The following ATP8B4 variants were observed in gnomAD, a reference collection of about 807,000 sequenced individuals.
ATP8B4 encodes probable phospholipid-transporting ATPase IM.
A neutral mutation model predicts 145.6 loss-of-function variants in ATP8B4; 133 were observed. That is an observed-to-expected ratio of 0.91 (90% confidence interval 0.79 to 1.05). ATP8B4 has a LOEUF of 1.05. Among genes scored for constraint, ATP8B4 ranks in the 50% least tolerant of loss-of-function variants. The probability of loss-of-function intolerance (pLI) is 0.00; values close to 1 mark genes in which losing one functional copy is unlikely to be tolerated. For synonymous variants in ATP8B4, 507 were observed against 492.9 expected, an observed-to-expected ratio of 1.03 and a Z score of -0.38; for missense variants, 1,458 against 1,425.2, an observed-to-expected ratio of 1.02 and a Z score of -0.37.
intron 12 of ATP8B4, among the ~76,000 whole-genome samples, chr15:49,976,156 A>T (rs1698107651): frequency 6.6e-6 from 1 of 152,098 alleles, no homozygotes; most frequent in South Asian, 2.1e-4. Context: ...CACTGTGACT[A>T]TGTAGAGTAT....
chr15:49,881,768 G>A (rs1264892578), intron 23 of ATP8B4, among the ~76,000 whole-genome samples: 1 of 152,164 alleles, frequency 6.6e-6, no homozygotes, highest in East Asian at 1.9e-4. Flanking sequence ...TAGGGGGCAC[G>A]TGCCATAATA....
chr15:49,966,206 C>T (rs2044522615), intron 13 of ATP8B4, among the ~76,000 whole-genome samples: 1 of 152,202 alleles, frequency 6.6e-6, no homozygotes, highest in African/African-American at 2.4e-5. Context: ...TTTGGGCAGG[C>T]CCCAAGCTAG....
At chr15:49,948,611 T>C (rs760949699) in intron 14 of ATP8B4, among the ~76,000 whole-genome samples, 8 of 152,240 alleles carry the variant, frequency 5.3e-5, no homozygotes, top group African/African-American at 7.2e-5. Context: ...TTTTGAGAAG[T>C]GTCTGTTCAT....
At chr15:49,948,765 G>A (rs1249776061) in intron 14 of ATP8B4, among the ~76,000 whole-genome samples, 1 of 152,170 alleles carries the variant, frequency 6.6e-6, no homozygotes, top group Non-Finnish European at 1.5e-5. Flanking sequence ...TCACTCTGAT[G>A]ATAGTTTCTT....
At chr15:49,869,188 A>G (rs1297461985) in intron 25 of ATP8B4, among the ~76,000 whole-genome samples, 1 of 152,222 alleles carries the variant, frequency 6.6e-6, no homozygotes, top group Non-Finnish European at 1.5e-5. Flanking sequence ...CTAGGATTAC[A>G]GGCGTGAGCC....
At chr15:50,007,100 A>T (rs1043672153) in intron 7 of ATP8B4, among the ~76,000 whole-genome samples, 10 of 88,284 alleles carry the variant, frequency 1.1e-4, no homozygotes, top group African/African-American at 4.1e-4. Flanking sequence ...GAACATAAAA[A>T]AAATAAATAA....
At chr15:50,042,451 A>T (rs948665986) in intron 5 of ATP8B4, among the ~76,000 whole-genome samples, 2 of 152,154 alleles carry the variant, frequency 1.3e-5, no homozygotes, top group African/African-American at 2.4e-5. Flanking sequence ...TACTCTTAGC[A>T]GGGGTGAGTT....
intron 7 of ATP8B4, chr15:50,009,526 T>C: frequency 2.8e-6 from 1 of 357,028 alleles, no homozygotes; most frequent in Non-Finnish European, 5.5e-6. Context: ...GAAGATAAAG[T>C]CTTTACTGTC....
chr15:49,998,365 A>G (rs2153557486), intron 8 of ATP8B4, among the ~76,000 whole-genome samples: 1 of 152,266 alleles, frequency 6.6e-6, no homozygotes, highest in Non-Finnish European at 1.5e-5. Context: ...AACAGTGTAA[A>G]AGTGTTCCTA....
intron 5 of ATP8B4, among the ~76,000 whole-genome samples, chr15:50,043,680 G>A (rs547608522): frequency 1.8e-4 from 28 of 152,106 alleles, no homozygotes; most frequent in East Asian, 3.9e-4. Context: ...TAGGCCGGGC[G>A]CGGTGGCTCA....
At chr15:49,956,997 T>A (rs1267139790) in intron 14 of ATP8B4, among the ~76,000 whole-genome samples, 3 of 152,052 alleles carry the variant, frequency 2.0e-5, no homozygotes, top group Non-Finnish European at 4.4e-5. Flanking sequence ...AACCAATAGA[T>A]TAGGATGACA....
chr15:50,010,331 T>C (rs1388842306), intron 7 of ATP8B4, among the ~76,000 whole-genome samples: 2 of 152,104 alleles, frequency 1.3e-5, no homozygotes, highest in Non-Finnish European at 2.9e-5. Context: ...AATTATAATA[T>C]ACTTGATAAA....
chr15:49,898,330 T>C, intron 21 of ATP8B4, 79 bp from the exon 22 acceptor site: 1 of 1,398,416 alleles, frequency 7.2e-7, no homozygotes, highest in South Asian at 1.3e-5. Context: ...ATGTTTTGTT[T>C]GCTAAAACCA....
At chr15:49,916,041 G>A (rs1225769637) in intron 20 of ATP8B4, among the ~76,000 whole-genome samples, 3 of 151,836 alleles carry the variant, frequency 2.0e-5, no homozygotes, top group Non-Finnish European at 2.9e-5. Flanking sequence ...TGGAGCAAGC[G>A]ATAAGTAATT....
intron 1 of ATP8B4, among the ~76,000 whole-genome samples, chr15:50,178,004 G>T (rs914977668): frequency 8.5e-5 from 13 of 152,170 alleles, no homozygotes; most frequent in African/African-American, 2.9e-4. Flanking sequence ...AGAGATAGAT[G>T]ATAGGGATGA....
intron 17 of ATP8B4, among the ~76,000 whole-genome samples, chr15:49,922,992 C>T (rs935188074): frequency 6.6e-6 from 1 of 152,146 alleles, no homozygotes; most frequent in African/African-American, 2.4e-5. Context: ...ATAAGATATT[C>T]CACTGGTGCC....
chr15:50,126,051 A>G (rs546806799), intron 1 of ATP8B4, among the ~76,000 whole-genome samples: 3 of 152,306 alleles, frequency 2.0e-5, no homozygotes, highest in African/African-American at 7.2e-5. Flanking sequence ...TTGTGACACA[A>G]TGTGATAGTA....
intron 23 of ATP8B4, among the ~76,000 whole-genome samples, chr15:49,888,389 C>A (rs992059537): frequency 1.3e-4 from 19 of 151,964 alleles, no homozygotes; most frequent in African/African-American, 4.4e-4. Flanking sequence ...TTTTTCCAGC[C>A]TTGACAAGAT....
chr15:49,862,253 T>C lies in ATP8B4; in HGVS notation c.3289A>G (p.Ser1097Gly). ...FLKVDLYPTL[S>G]DQIRRWQKAQ... The stretch of plus-strand genomic sequence containing the variant: ...TCAGCACTGTGACATACCTGATCAC[T>C]CAGGGTTGGGTATAAATCCACCTTC... The change falls in exon 27 of 28, where the codon AGT becomes GGT. Residue 1097 changes from serine to glycine, a missense_variant. Physicochemically the swap from Ser to Gly is moderately conservative, Grantham distance 56 (BLOSUM62 0). Coordinates refer to ENST00000284509, the MANE Select transcript of ATP8B4 (RefSeq NM_024837.4). 1.2e-6 allele frequency: 2 copies of C among 1,613,352 alleles called. No individual in the cohort carries two copies. Among genetic ancestry groups the C allele is most frequent in the African/African-American group, 1.3e-5 (1 of 75,006 alleles).
Sources: gnomAD v4.1 joint callset for allele counts (sites outside exome capture counted in the v4.1 genomes callset) on GRCh38, gnomAD v4.1.1 for gene constraint, MANE v1.5 for transcripts, NCBI Gene and HGNC (gene_info 2026-07-23, HGNC 2026-07-21) for gene names.